The following PER2 variants were observed in gnomAD, a reference collection of about 807,000 sequenced individuals.
PER2 encodes the protein period circadian protein homolog 2.
PER2 carries 66 observed loss-of-function variants against 121.0 expected under a neutral mutation model. The observed-to-expected ratio is 0.55, with a 90% CI of 0.45 to 0.67. The LOEUF is 0.67. Among genes scored for constraint, PER2 ranks in the 30% least tolerant of loss-of-function variants. The pLI is 0.00. For synonymous variants in PER2, 684 were observed against 659.9 expected (o/e 1.04, Z -0.56); for missense variants, 1,521 against 1,635.0 (o/e 0.93, Z 1.20).
At position 238,263,659 on chromosome 2, in the gene PER2, C is replaced by G. The variant is rs569967132; in HGVS notation, c.1047-601G>C. ...TCTGCTTCTGTTTGTGTCCAGCGCC[C>G]TCTGCCGGCTCCACCGACCATTTCT... On this transcript the variant is annotated intron_variant, in intron 9 of 22. Transcript: ENST00000254657. 1.7e-4 allele frequency among the ~76,000 whole-genome samples: 26 copies of G among 152,092 alleles called. No homozygotes were observed. The South Asian group carries it at 5.2e-3, about 30-fold the overall frequency.
At position 238,252,940 on chromosome 2, in the gene PER2, C is replaced by T. The variant is rs541528854; in HGVS notation, c.3083G>A (p.Arg1028Gln). Residue 1028 changes from arginine (R) to glutamine (Q), a missense_variant, in exon 19 of 23, where the codon CGG (arginine) becomes CAG (glutamine). Physicochemically the swap from Arg to Gln is conservative, Grantham distance 43 (BLOSUM62 1). Transcript: ENST00000254657. The surrounding 1 kb of genome is among the most constrained non-coding windows in gnomAD (Gnocchi z 4.2). Reference protein sequence around the residue: ...VGADCKPGTSRDQQPKAPLTR... With the variant: ...VGADCKPGTSQDQQPKAPLTR... ...CAGAGGCGCCTTCGGCTGCTGGTCC[C>T]GAGAAGTGCCAGGTTTGCAGTCCGC... 7.4e-6 allele frequency: 12 copies of T among 1,613,706 alleles called. No individual in the cohort carries two copies. Among genetic ancestry groups the T allele is most frequent in the African/African-American group, 6.7e-5 (5 of 74,914 alleles).
rs1695780130 is a variant in PER2, at chr2:238,256,958, C to T, written c.2029G>A (p.Val677Ile). The change falls in exon 17 of 23, where the codon GTC becomes ATC. Residue 677 changes from valine (V) to isoleucine (I), a missense_variant. Val to Ile is a conservative substitution (Grantham distance 29, BLOSUM62 3). Coordinates refer to ENST00000254657, the MANE Select transcript of PER2 (RefSeq NM_022817.3). Reference sequence around the variant, plus strand: ...TGCGGCTTCTTGTCTCCCACATGGACGATGGTGCTGCTGTAGCTGCACTGG... The same window carrying T: ...TGCGGCTTCTTGTCTCCCACATGGATGATGGTGCTGCTGTAGCTGCACTGG... ...TSQCSYSSTI[V>I]HVGDKKPQPE... 12 of 1,614,130 alleles carry T rather than the reference C, an allele frequency of 7.4e-6. No individual in the cohort carries two copies. The highest frequency in any genetic ancestry group is 1.0e-5 in the Non-Finnish European group (12 of 1,180,014).
upstream of PER2, among the ~76,000 whole-genome samples, chr2:238,291,264 A>C (rs935732300): frequency 2.0e-5 from 3 of 152,148 alleles, no homozygotes; most frequent in Non-Finnish European, 4.4e-5. Context: ...ACCCACTCCC[A>C]CCAGCCTGTT....
chr2:238,258,178 C>T (rs974236110), intron 16 of PER2, 98 bp downstream of exon 16: 82 of 1,335,132 alleles, frequency 6.1e-5, no homozygotes, highest in Non-Finnish European at 8.0e-5. Context: ...ACAGCCTACA[C>T]CCTTACACTG....
At position 238,253,702 on chromosome 2, in the gene PER2, G is replaced by A; in HGVS notation, c.2321C>T (p.Thr774Ile). 1 of 1,598,598 alleles carries A rather than the reference G, an allele frequency of 6.3e-7. No individual in the cohort carries two copies. The highest frequency in any genetic ancestry group is 1.1e-5 in the South Asian group (1 of 89,600). The change falls in exon 19 of 23, where the codon ACT becomes ATT. Residue 774 changes from threonine to isoleucine, a missense_variant and splice_region_variant. Coordinates refer to ENST00000254657, the MANE Select transcript of PER2 (RefSeq NM_022817.3). The surrounding 1 kb of genome is among the most constrained non-coding windows in gnomAD (Gnocchi z 5.6). The part of the protein sequence containing the change: ...ERSKGQPSER[T>I]APGLRNTSGI... ...GGAAGTATTTCTTAGTCCAGGGGCA[G>A]CTAATGCAGAAAAACAAATACTCGG...
upstream of PER2, among the ~76,000 whole-genome samples, chr2:238,292,504 G>A (rs549459779): frequency 5.9e-5 from 9 of 152,280 alleles, no homozygotes; most frequent in East Asian, 3.9e-4. Flanking sequence ...GCTAGGACCC[G>A]CATTTGATGT....
chr2:238,291,701 C>T (rs948486364), upstream of PER2, among the ~76,000 whole-genome samples: 5 of 152,192 alleles, frequency 3.3e-5, 1 homozygote, highest in Admixed American at 2.6e-4. Flanking sequence ...TTGAACCCAG[C>T]GCTGACCTAC....
intron 17 of PER2, among the ~76,000 whole-genome samples, chr2:238,256,527 A>C (rs557906556): frequency 1.3e-5 from 2 of 152,346 alleles, no homozygotes; most frequent in South Asian, 4.1e-4. Flanking sequence ...TCCTGTCCAC[A>C]AACAGGGAGA....
chr2:238,253,533 G>C lies in PER2; in HGVS notation c.2490C>G (p.Ala830=). Residue 830 remains alanine (A), a synonymous_variant, in exon 19 of 23, where the codon GCC becomes GCG. Coordinates refer to ENST00000254657, the MANE Select transcript of PER2 (RefSeq NM_022817.3). This position sits in a 1 kb window ranked among gnomAD's most constrained non-coding sequence, Gnocchi z 5.6. ...RPPLVGLNAT[A]WSPSDTSQSS... ...ACTGGGACGTGTCTGAGGGTGACCA[G>C]GCTGTGGCGTTCAAGCCCACCAGCG... is the stretch of plus-strand genomic sequence containing the variant. 6.2e-7 allele frequency: 1 copy of C among 1,611,466 alleles called. No individual in the cohort carries two copies. The highest frequency in any genetic ancestry group is 1.7e-5 in the Admixed American group (1 of 59,782).
At chr2:238,279,303 T>C (rs2106326789) in intron 1 of PER2, among the ~76,000 whole-genome samples, 1 of 152,238 alleles carries the variant, frequency 6.6e-6, no homozygotes, top group South Asian at 2.1e-4. Context: ...ACTACAGACA[T>C]GATGCTAAGC....
intron 6 of PER2, among the ~76,000 whole-genome samples, chr2:238,270,754 A>G (rs1267258775): frequency 6.6e-6 from 1 of 152,230 alleles, no homozygotes; most frequent in African/African-American, 2.4e-5. Context: ...CGGTGGCTAC[A>G]GGGGCAGGCC....
At position 238,260,838 on chromosome 2, in the gene PER2, C is replaced by T. The variant is rs773548609; in HGVS notation, c.1532G>A (p.Arg511Gln). 8.6e-5 allele frequency: 139 copies of T among 1,614,152 alleles called. No homozygotes were observed. Among genetic ancestry groups the T allele is most frequent in the Admixed American group, 1.2e-4 (7 of 60,036 alleles). Residue 511 changes from arginine (R) to glutamine (Q), a missense_variant, in exon 13 of 23, where the codon CGG (arginine) becomes CAG (glutamine). Arg to Gln is a conservative substitution (Grantham distance 43). Transcript: ENST00000254657. The stretch of plus-strand genomic sequence containing the variant: ...TGGAAGGAGACGTACGGCTCTCCTC[C>T]GGCGTGAGTCCTCATGGCCGTTGCT... ...SDSNGHEDSR[R>Q]RRAEICKNGN...
At chr2:238,261,534 G>C (rs1358076435) in intron 12 of PER2, 195 bp downstream of exon 12, 5 of 627,776 alleles carry the variant, frequency 8.0e-6, no homozygotes, top group Admixed American at 4.4e-5. Context: ...TGCAAGGCTG[G>C]AGAGAGCCAA....
rs150348861 is a variant in PER2, at chr2:238,253,398, G to C, written c.2625C>G (p.Ser875Arg). The C allele has an allele frequency of 6.2e-6, 10 of 1,610,724 alleles. No homozygotes were observed. The Admixed American group carries it at 8.3e-5, about 13-fold the overall frequency. The change falls in exon 19 of 23, where the codon AGC (serine) becomes AGG (arginine). Residue 875 changes from serine (S) to arginine (R), a missense_variant. Ser to Arg is a moderately radical substitution (Grantham distance 110, BLOSUM62 -1). Transcript: ENST00000254657. This position sits in a 1 kb window ranked among gnomAD's most constrained non-coding sequence, Gnocchi z 5.6. ...VAAPPAPPHASFTVPAVPVDL... is the reference protein window; with the variant it reads ...VAAPPAPPHARFTVPAVPVDL... Reference sequence around the variant, plus strand: ...CCACGGGCACAGCAGGCACTGTGAAGCTGGCGTGGGGAGGTGCCGGGGGTG... The same window carrying C: ...CCACGGGCACAGCAGGCACTGTGAACCTGGCGTGGGGAGGTGCCGGGGGTG...
rs777857307 is a variant in PER2 at position 238,253,457 on chromosome 2, G to C, written c.2566C>G (p.Leu856Val). ...GTCCCTGGCGCTGGAAACACGGGCA[G>C]TGAATAAGCTGCTGGCACTGGGGCG... ...FPAPVPAAYS[L>V]PVFPAPGTVA... Residue 856 changes from leucine (L) to valine (V), a missense_variant, in exon 19 of 23, where the codon CTG becomes GTG. Physicochemically the swap from Leu to Val is conservative, Grantham distance 32 (BLOSUM62 1). Coordinates refer to ENST00000254657, the MANE Select transcript of PER2 (RefSeq NM_022817.3). The surrounding 1 kb of genome is among the most constrained non-coding windows in gnomAD (Gnocchi z 5.6). 2.5e-6 allele frequency: 4 copies of C among 1,613,012 alleles called. No individual in the cohort carries two copies. In the East Asian group the frequency reaches 6.7e-5, roughly 27 times the overall value.
chr2:238,248,403 C>G (rs1464632476), intron 22 of PER2, among the ~76,000 whole-genome samples: 3 of 152,138 alleles, frequency 2.0e-5, no homozygotes, highest in Non-Finnish European at 2.9e-5. Flanking sequence ...TGCCTGAGAG[C>G]ACGCCAGCAG....
At chr2:238,248,923 G>A (rs1468148272) in intron 22 of PER2, 139 bp downstream of exon 22, 3 of 901,176 alleles carry the variant, frequency 3.3e-6, no homozygotes, top group South Asian at 2.6e-5. Flanking sequence ...CCAAAGTGCT[G>A]GGATTACAGG....
At chr2:238,261,157 A>T (rs1175787607) in intron 12 of PER2, among the ~76,000 whole-genome samples, 1 of 152,220 alleles carries the variant, frequency 6.6e-6, no homozygotes, top group Non-Finnish European at 1.5e-5. Flanking sequence ...CCCGACCCAG[A>T]CATGCAGTCA....
upstream of PER2, among the ~76,000 whole-genome samples, chr2:238,291,890 C>T (rs578203568): frequency 6.6e-6 from 1 of 152,154 alleles, no homozygotes; most frequent in Non-Finnish European, 1.5e-5. Flanking sequence ...GTTTGCGGAC[C>T]GGTATAAAGA....
Sources: gnomAD v4.1 joint callset for allele counts (sites outside exome capture counted in the v4.1 genomes callset) on GRCh38, gnomAD v4.1.1 for gene constraint, Gnocchi (gnomAD v3.1) non-coding constraint, MANE v1.5 for transcripts, NCBI Gene and HGNC (gene_info 2026-07-23, HGNC 2026-07-21) for gene names.